ESRRG: variants seen among roughly 807,000 people sequenced by gnomAD.
ESRRG encodes the protein estrogen-related receptor gamma.
A neutral mutation model predicts 44.0 loss-of-function variants in ESRRG; 13 were observed. The ratio of observed to expected loss-of-function variants is 0.30; its 90% CI spans 0.19 to 0.47. The LOEUF (loss-of-function observed/expected upper bound fraction) is 0.47, where lower values mean the gene tolerates loss of function less well. Among genes scored for constraint, ESRRG ranks in the 20% least tolerant of loss-of-function variants. ESRRG has a pLI of 1.00. For synonymous variants in ESRRG, 215 were observed against 214.6 expected (o/e 1.00, Z -0.02); for missense variants, 395 against 580.6 (o/e 0.68, Z 3.29).
At chr1:216,934,013 T>G in intron 2 of ESRRG, among the ~76,000 whole-genome samples, 1 of 152,210 alleles carries the variant, frequency 6.6e-6, no homozygotes, top group East Asian at 1.9e-4. Flanking sequence ...ACTATACATT[T>G]AGCAGCTCAG....
At chr1:217,126,735 T>C (rs2092895478) in intron 1 of ESRRG, among the ~76,000 whole-genome samples, 1 of 152,112 alleles carries the variant, frequency 6.6e-6, no homozygotes, top group Admixed American at 6.6e-5. Flanking sequence ...TAACAATTGT[T>C]AAAAAATTAG....
intron 2 of ESRRG, among the ~76,000 whole-genome samples, chr1:216,903,061 A>G (rs1205516524): frequency 2.0e-5 from 3 of 152,170 alleles, no homozygotes; most frequent in Non-Finnish European, 4.4e-5. Context: ...GCATAATTGT[A>G]TACATGTGTT....
intron 2 of ESRRG, among the ~76,000 whole-genome samples, chr1:216,808,690 C>G (rs1054623771): frequency 1.3e-5 from 2 of 152,116 alleles, no homozygotes; most frequent in African/African-American, 4.8e-5. Context: ...TCCCAAGGTG[C>G]TGAGATTACA....
intron 4 of ESRRG, among the ~76,000 whole-genome samples, chr1:216,566,061 T>C (rs2059634383): frequency 2.0e-5 from 3 of 151,902 alleles, no homozygotes. Flanking sequence ...GTCAGAGAAA[T>C]TTGGTTGAAG....
At chr1:216,824,860 C>A (rs1424445709) in intron 2 of ESRRG, among the ~76,000 whole-genome samples, 2 of 152,180 alleles carry the variant, frequency 1.3e-5, no homozygotes, top group African/African-American at 4.8e-5. Flanking sequence ...GAACCATGAA[C>A]CACATTGAGT....
intron 1 of ESRRG, chr1:216,681,907 T>C (rs1234214398): frequency 6.6e-6 from 1 of 152,194 alleles, no homozygotes; most frequent in African/African-American, 2.4e-5. Context: ...TCCAGGTAAA[T>C]GTGTGATCGT....
At chr1:216,873,664 T>G (rs1029086795) in intron 2 of ESRRG, among the ~76,000 whole-genome samples, 2 of 151,368 alleles carry the variant, frequency 1.3e-5, no homozygotes, top group African/African-American at 4.9e-5. Flanking sequence ...ATGCCCACAT[T>G]TTTTCCACAC....
At chr1:217,101,791 TA>T (rs1330298568) in intron 1 of ESRRG, among the ~76,000 whole-genome samples, 2 of 10,870 alleles carry the variant, frequency 1.8e-4, no homozygotes, top group African/African-American at 1.0e-4. Context: ...AACAACATTT[TA>T]TTTTTTTTTT....
At chr1:216,813,949 C>T (rs187202005) in intron 2 of ESRRG, among the ~76,000 whole-genome samples, 2 of 152,136 alleles carry the variant, frequency 1.3e-5, no homozygotes, top group Admixed American at 1.3e-4. Context: ...GCATCTGATT[C>T]ACAATAAAGA....
intron 1 of ESRRG, among the ~76,000 whole-genome samples, chr1:217,053,039 TAC>T (rs1205319493): frequency 2.0e-5 from 3 of 150,698 alleles, no homozygotes; most frequent in African/African-American, 7.3e-5. Context: ...CACAATGTTG[TAC>T]ACCTGTAATC....
intron 1 of ESRRG, among the ~76,000 whole-genome samples, chr1:216,970,156 A>G (rs1030853): frequency 0.51 from 78,236 of 151,964 alleles, 21,916 homozygotes; most frequent in Middle Eastern, 0.7. Context: ...GAAAAATGCT[A>G]AGAATCACCC....
chr1:216,965,180 T>C (rs2150220609), intron 1 of ESRRG, among the ~76,000 whole-genome samples: 1 of 151,920 alleles, frequency 6.6e-6, no homozygotes, highest in East Asian at 1.9e-4. Flanking sequence ...TTCCTACTTC[T>C]TGACTCCATT....
intron 2 of ESRRG, among the ~76,000 whole-genome samples, chr1:216,850,367 T>A (rs1042792960): frequency 1.3e-5 from 2 of 150,368 alleles, no homozygotes; most frequent in East Asian, 3.9e-4. Context: ...AATTCATTAG[T>A]TAAAGAACTC....
chr1:216,603,747 G>A (rs2059548724), intron 3 of ESRRG, among the ~76,000 whole-genome samples: 1 of 152,026 alleles, frequency 6.6e-6, no homozygotes. Flanking sequence ...TGGCCAACAT[G>A]GGGAAACCAC....
intron 3 of ESRRG, among the ~76,000 whole-genome samples, chr1:216,587,265 A>G (rs1424394277): frequency 2.0e-5 from 3 of 152,232 alleles, no homozygotes; most frequent in African/African-American, 4.8e-5. Context: ...TGCATTTAGT[A>G]ATGGTTAGAC....
intron 2 of ESRRG, among the ~76,000 whole-genome samples, chr1:216,808,694 G>A (rs1576779298): frequency 6.6e-6 from 1 of 152,100 alleles, no homozygotes; most frequent in Non-Finnish European, 1.5e-5. Context: ...AAGGTGCTGA[G>A]ATTACAGACA....
rs944665284 is a variant in ESRRG at position 216,752,430 on chromosome 1, A to G, written c.-13-74939T>C. Among the ~76,000 whole-genome samples, 6 of 152,252 alleles carry G rather than the reference A, an allele frequency of 3.9e-5. 1 individual carries two copies. The highest frequency in any genetic ancestry group is 1.4e-4 in the African/African-American group (6 of 41,568). On this transcript the variant is annotated intron_variant, in intron 2 of 7. Transcript: ENST00000359162. ...AGCTGCCTCTAAAGAACAAAAAATA[A>G]AAGTTTTTTAGTGAAGTTGATAAAA... is the stretch of plus-strand genomic sequence containing the variant.
At chr1:217,005,198 T>A (rs1416540) in intron 1 of ESRRG, among the ~76,000 whole-genome samples, 77,742 of 151,904 alleles carry the variant, frequency 0.51, 21,455 homozygotes, top group East Asian at 0.73. Context: ...AAAGTGAGTC[T>A]TTCCCCTATT....
chr1:216,794,038 T>C (rs933987068), intron 2 of ESRRG, among the ~76,000 whole-genome samples: 2 of 152,018 alleles, frequency 1.3e-5, no homozygotes, highest in African/African-American at 4.8e-5. Flanking sequence ...GAGATCACTT[T>C]TCAGAAGGTC....
Sources: gnomAD v4.1 joint callset for allele counts (sites outside exome capture counted in the v4.1 genomes callset) on GRCh38, gnomAD v4.1.1 for gene constraint, MANE v1.5 for transcripts, NCBI Gene and HGNC (gene_info 2026-07-23, HGNC 2026-07-21) for gene names.